The following LGALS8 variants were observed in gnomAD, a reference collection of about 807,000 sequenced individuals.
LGALS8 encodes the protein galectin-8.
Under a neutral mutation model 35.9 loss-of-function variants are expected in LGALS8, and 30 were observed. The ratio of observed to expected loss-of-function variants is 0.83; its 90% CI spans 0.62 to 1.13. The LOEUF (loss-of-function observed/expected upper bound fraction) is 1.13. Ranked by LOEUF, LGALS8 falls within the 50% of genes most tolerant of loss-of-function variation. LGALS8 has a pLI of 0.00. For missense variants in LGALS8, 366 were observed against 388.7 expected, an observed-to-expected ratio of 0.94 and a Z score of 0.49; for synonymous variants, 138 against 136.1, an observed-to-expected ratio of 1.01 and a Z score of -0.10.
intron 2 of LGALS8, among the ~76,000 whole-genome samples, chr1:236,527,832 T>G (rs1339906611): frequency 1.3e-5 from 2 of 151,644 alleles, no homozygotes; most frequent in African/African-American, 4.9e-5. Flanking sequence ...GCCTCCCGGG[T>G]TCAAGCAATT....
intron 7 of LGALS8, chr1:236,543,270 T>C: frequency 1.6e-6 from 1 of 637,500 alleles, no homozygotes; most frequent in Non-Finnish European, 2.8e-6. Flanking sequence ...CAGTACTGCC[T>C]CAGACCCCAG....
At chr1:236,521,475 G>A (rs1225606608), upstream of LGALS8, among the ~76,000 whole-genome samples, 6 of 152,254 alleles carry the variant, frequency 3.9e-5, no homozygotes, top group East Asian at 1.9e-4. Context: ...GTGAGGATTC[G>A]GGCAGATCAG....
chr1:236,541,665 T>A lies in LGALS8; in HGVS notation c.477T>A (p.Ser159Arg). Residue 159 changes from serine (S) to arginine (R), a missense_variant, in exon 6 of 10, where the codon AGT becomes AGA. By Grantham distance (110) the Ser-to-Arg change is moderately radical. Transcript: ENST00000366584. ...IGFSFSSDLQSTQASSLELTE... is the reference protein window; with the variant it reads ...IGFSFSSDLQRTQASSLELTE... ...TTATCTTTTCTCAGGACTTACAAAGTACCCAAGCATCTAGTCTGGAACTGA... is the reference window on the plus strand; with the variant it reads ...TTATCTTTTCTCAGGACTTACAAAGAACCCAAGCATCTAGTCTGGAACTGA... 6.6e-7 allele frequency: 1 copy of A among 1,513,200 alleles called. No individual in the cohort carries two copies. Among genetic ancestry groups the A allele is most frequent in the Non-Finnish European group, 9.0e-7 (1 of 1,111,318 alleles). 93.7% of individuals were successfully genotyped at this position (1,513,200 alleles called of 1,614,324 possible).
intron 3 of LGALS8, among the ~76,000 whole-genome samples, chr1:236,537,791 T>C (rs1008786699): frequency 3.2e-5 from 3 of 95,136 alleles, no homozygotes; most frequent in Admixed American, 9.9e-5. Context: ...TAAGTCTGAT[T>C]TCAGTATAAA....
upstream of LGALS8, among the ~76,000 whole-genome samples, chr1:236,521,126 G>A (rs145957600): frequency 6.6e-6 from 1 of 152,306 alleles, no homozygotes; most frequent in East Asian, 1.9e-4. Flanking sequence ...TTGCCCTCAT[G>A]GAGTTTATAG....
At chr1:236,524,735 A>G (rs1166749830) in intron 1 of LGALS8, 2 of 286,068 alleles carry the variant, frequency 7.0e-6, no homozygotes, top group Admixed American at 9.0e-5. Flanking sequence ...TTGTTATTAT[A>G]CATGTGTATG....
At chr1:236,535,316 ATTT>A in intron 2 of LGALS8, among the ~76,000 whole-genome samples, 1 of 151,504 alleles carries the variant, frequency 6.6e-6, no homozygotes, top group African/African-American at 2.4e-5. Flanking sequence ...TTAATTTTTA[ATTT>A]TTTTGAGTAT....
intron 8 of LGALS8, among the ~76,000 whole-genome samples, chr1:236,544,164 G>C (rs993683059): frequency 7.2e-5 from 11 of 152,110 alleles, no homozygotes; most frequent in Non-Finnish European, 1.6e-4. Flanking sequence ...TGTTGGCCAG[G>C]CTGGTCTGGA....
intron 2 of LGALS8, among the ~76,000 whole-genome samples, chr1:236,535,270 TTGTC>T (rs1315066892): frequency 2.0e-5 from 3 of 152,116 alleles, no homozygotes; most frequent in African/African-American, 7.2e-5. Flanking sequence ...GTTATCATTT[TTGTC>T]TGATTTCTTT....
Position 236,543,312 on chromosome 1 carries a change from A to G in LGALS8, c.550-248A>G, listed in dbSNP as rs543425637. 5.0e-5 allele frequency: 33 copies of G among 657,190 alleles called. No homozygotes were observed. The African/African-American group carries it at 5.5e-4, about 11-fold the overall frequency. The allele number at this position is 657,190 out of a possible 1,614,324, so 40.7% of individuals were successfully genotyped here. On this transcript the variant is annotated intron_variant, in intron 7 of 9. Coordinates refer to ENST00000366584, the MANE Select transcript of LGALS8 (RefSeq NM_201544.4). The stretch of plus-strand genomic sequence containing the variant: ...GGGGCCTTCCTGGCGTGTTTCACTC[A>G]TACAGAGGGCATCGGGTCCCACCCT...
At position 236,525,990 on chromosome 1, in the gene LGALS8, C is replaced by A; in HGVS notation, c.-81C>A. 9.2e-7 allele frequency: 1 copy of A among 1,085,756 alleles called. No individual in the cohort carries two copies. Among genetic ancestry groups the A allele is most frequent in the Non-Finnish European group, 1.4e-6 (1 of 714,926 alleles). 67.3% of individuals were successfully genotyped at this position (1,085,756 alleles called of 1,614,324 possible). On this transcript the variant is annotated 5_prime_UTR_variant, in exon 2 of 10. Coordinates refer to ENST00000366584, the MANE Select transcript of LGALS8 (RefSeq NM_201544.4). ...CAGGGCCAGTGCCTCAGTTTCAATC[C>A]AGGTAACCTTTAAATGAAACTTGCC...
intron 2 of LGALS8, among the ~76,000 whole-genome samples, chr1:236,531,913 C>T (rs756187640): frequency 1.3e-5 from 2 of 152,084 alleles, no homozygotes; most frequent in Non-Finnish European, 2.9e-5. Flanking sequence ...GGGGTGAATT[C>T]CAGGGGAAAT....
intron 1 of LGALS8, among the ~76,000 whole-genome samples, chr1:236,525,724 T>G (rs1660781065): frequency 1.3e-5 from 2 of 152,176 alleles, no homozygotes; most frequent in South Asian, 2.1e-4. Context: ...TTTTTAATAA[T>G]AAATTCCATG....
chr1:236,538,767 A>G (rs2103091776), intron 3 of LGALS8, 112 bp from the exon 4 acceptor site: 1 of 733,158 alleles, frequency 1.4e-6, no homozygotes, highest in East Asian at 2.5e-5. Context: ...ATGAATGAGG[A>G]GGGATTGGTC....
Position 236,552,023 on chromosome 1 carries a change from G to T in LGALS8, c.*3862G>T. 6.2e-7 allele frequency: 1 copy of T among 1,610,288 alleles called. No homozygotes were observed. The highest frequency in any genetic ancestry group is 1.1e-5 in the South Asian group (1 of 90,994). ...CCTTCCATCAACTCTGCTAAGAAAG[G>T]AATGGATTCTGGTAGCAAGACAATA... On this transcript the variant is annotated 3_prime_UTR_variant, in exon 10 of 10. Transcript: ENST00000366584.
At chr1:236,527,849 C>T (rs1025068827) in intron 2 of LGALS8, among the ~76,000 whole-genome samples, 3 of 152,066 alleles carry the variant, frequency 2.0e-5, no homozygotes, top group Admixed American at 1.3e-4. Flanking sequence ...AATTCTAGTG[C>T]CTCAGCCTCC....
At chr1:236,546,688 A>G (rs2298098) in intron 9 of LGALS8, among the ~76,000 whole-genome samples, 15,219 of 152,238 alleles carry the variant, frequency 0.1, 1,069 homozygotes, top group East Asian at 0.3. Flanking sequence ...CTTGTAATTC[A>G]CTGGCTTTGC....
chr1:236,543,257 A>G (rs1662132719), intron 7 of LGALS8: 2 of 635,040 alleles, frequency 3.1e-6, no homozygotes. Flanking sequence ...TTCAGGCAGA[A>G]CACAGTACTG....
At chr1:236,532,645 C>T (rs1355387777) in intron 2 of LGALS8, among the ~76,000 whole-genome samples, 1 of 152,110 alleles carries the variant, frequency 6.6e-6, no homozygotes, top group African/African-American at 2.4e-5. Flanking sequence ...AGTTCGAGAC[C>T]AGCCTGGCCA....
Sources: allele counts gnomAD v4.1 joint callset (sites outside exome capture counted in the v4.1 genomes callset), GRCh38; gene constraint gnomAD v4.1.1; transcripts MANE v1.5; gene names NCBI Gene and HGNC (gene_info 2026-07-23, HGNC 2026-07-21).